GLIS1: variants seen among roughly 807,000 people sequenced by gnomAD.
GLIS1 encodes zinc finger protein GLIS1.
In GLIS1, 24 loss-of-function variants were observed where a neutral mutation model predicts 63.8. The ratio of observed to expected loss-of-function variants is 0.38; its 90% CI spans 0.27 to 0.53. The LOEUF (loss-of-function observed/expected upper bound fraction) is 0.53, where lower values mean the gene tolerates loss of function less well. GLIS1 is among the 20% of genes least tolerant of loss of function. The pLI, the probability that GLIS1 is intolerant of heterozygous loss-of-function variation, is 0.85. For missense variants in GLIS1, 1,036 were observed against 1,074.1 expected, an observed-to-expected ratio of 0.96 and a Z score of 0.50; for synonymous variants, 450 against 482.5, an observed-to-expected ratio of 0.93 and a Z score of 0.88.
intron 6 of GLIS1, among the ~76,000 whole-genome samples, chr1:53,522,316 G>A (rs1034945505): frequency 2.8e-4 from 42 of 152,366 alleles, no homozygotes; most frequent in African/African-American, 9.9e-4. Context: ...TTATTGTTGG[G>A]AAGTTTGCAG....
In GLIS1 at chr1:53,520,623, C is replaced by T. The variant is rs941722062; in HGVS notation, c.1726+11G>A. On this transcript the variant is annotated intron_variant, in intron 7 of 10. Coordinates refer to ENST00000628545, the MANE Select transcript of GLIS1 (RefSeq NM_001367484.1). ...GGCTACGCCCCTGGCCCTGCCTCCC[C>T]GCACACGTACCTGGGAGCAGCTCCT... The T allele has an allele frequency of 3.6e-5, 58 of 1,600,894 alleles. No individual in the cohort carries two copies. The highest frequency in any genetic ancestry group is 4.5e-5 in the Non-Finnish European group (53 of 1,174,260).
chr1:53,558,334 A>G (rs1200372132), intron 4 of GLIS1, among the ~76,000 whole-genome samples: 2 of 152,174 alleles, frequency 1.3e-5, no homozygotes, highest in Non-Finnish European at 2.9e-5. Flanking sequence ...CGATCTTTCG[A>G]TGAGGGCCTA....
At chr1:53,704,142 T>C (rs774736399) in intron 2 of GLIS1, among the ~76,000 whole-genome samples, 2 of 152,240 alleles carry the variant, frequency 1.3e-5, no homozygotes, top group Non-Finnish European at 2.9e-5. Flanking sequence ...TATGTGGCCT[T>C]TGAAAAGTCT....
intron 2 of GLIS1, among the ~76,000 whole-genome samples, chr1:53,617,814 G>C (rs556670086): frequency 3.7e-4 from 57 of 152,348 alleles, no homozygotes; most frequent in African/African-American, 1.3e-3. Context: ...AGAAAAGGAA[G>C]CGCTGCTGAG....
intron 2 of GLIS1, among the ~76,000 whole-genome samples, chr1:53,708,424 CA>C (rs1292213458): frequency 2.0e-5 from 3 of 152,094 alleles, no homozygotes; most frequent in Admixed American, 1.3e-4. Context: ...TTAATATATT[CA>C]AGAATGCCAC....
rs185807306 is a variant in GLIS1, at chr1:53,546,928, C to T, written c.1321-16976G>A. Among the ~76,000 whole-genome samples, 35 of 131,818 alleles carry T rather than the reference C, an allele frequency of 2.7e-4. 1 individual carries two copies. The highest frequency in any genetic ancestry group is 1.2e-3 in the South Asian group (5 of 4,158). 86.5% of individuals were successfully genotyped at this position (131,818 alleles called of 152,430 possible). A position where few individuals can be genotyped will look rare whatever the true frequency, so the allele number is the denominator to read the frequency against. ...CAAGCATTGTAACTGCCGGGCTCTG[C>T]GCCTCTTTCTTCCCCTGACTGGGTA... is the stretch of plus-strand genomic sequence containing the variant. On this transcript the variant is annotated intron_variant, in intron 4 of 10. Transcript: ENST00000628545.
chr1:53,543,545 A>G (rs996395712), intron 4 of GLIS1, among the ~76,000 whole-genome samples: 1 of 152,186 alleles, frequency 6.6e-6, no homozygotes, highest in East Asian at 1.9e-4. Flanking sequence ...TGTTGCATTA[A>G]GTCAAAAGCA....
At chr1:53,616,466 C>A (rs1645483523) in intron 2 of GLIS1, among the ~76,000 whole-genome samples, 1 of 152,208 alleles carries the variant, frequency 6.6e-6, no homozygotes, top group Admixed American at 6.5e-5. Context: ...TTAGGTAACT[C>A]CTGTGCCCAC....
intron 2 of GLIS1, among the ~76,000 whole-genome samples, chr1:53,601,182 T>C (rs1645314124): frequency 6.6e-6 from 1 of 152,084 alleles, no homozygotes; most frequent in African/African-American, 2.4e-5. Flanking sequence ...CCCAAACCAA[T>C]TCCATAACTC....
intron 3 of GLIS1, among the ~76,000 whole-genome samples, chr1:53,597,190 A>C (rs1398452549): frequency 1.4e-5 from 2 of 143,788 alleles, no homozygotes; most frequent in East Asian, 2.0e-4. Flanking sequence ...AAAAAAAAAA[A>C]AAAAAAAAAA....
intron 2 of GLIS1, among the ~76,000 whole-genome samples, chr1:53,719,701 G>GA (rs1260622910): frequency 1.3e-5 from 2 of 151,938 alleles, no homozygotes; most frequent in Non-Finnish European, 2.9e-5. Context: ...AGTGGGAGTT[G>GA]AAAAAAACCA....
intron 2 of GLIS1, among the ~76,000 whole-genome samples, chr1:53,603,213 C>T (rs891855280): frequency 6.6e-6 from 1 of 152,182 alleles, no homozygotes; most frequent in Non-Finnish European, 1.5e-5. Flanking sequence ...TAGTATGGTG[C>T]CACTTAGTGC....
At chr1:53,700,835 A>T (rs577579694) in intron 2 of GLIS1, among the ~76,000 whole-genome samples, 54 of 152,316 alleles carry the variant, frequency 3.5e-4, no homozygotes, top group Admixed American at 1.5e-3. Flanking sequence ...CCATAGATTT[A>T]CCTGTCCAGG....
intron 2 of GLIS1, among the ~76,000 whole-genome samples, chr1:53,717,657 A>G (rs1646714349): frequency 6.6e-6 from 1 of 152,182 alleles, no homozygotes; most frequent in Admixed American, 6.5e-5. Flanking sequence ...ACTGCACTGT[A>G]ACCCAGCAGG....
At chr1:53,529,075 C>A (rs1281018524) in intron 5 of GLIS1, among the ~76,000 whole-genome samples, 1 of 152,214 alleles carries the variant, frequency 6.6e-6, no homozygotes, top group Non-Finnish European at 1.5e-5. Context: ...TGCCCCTGCC[C>A]AGAGCACAGG....
intron 2 of GLIS1, among the ~76,000 whole-genome samples, chr1:53,731,233 C>T (rs927927136): frequency 6.6e-6 from 1 of 152,200 alleles, no homozygotes; most frequent in Non-Finnish European, 1.5e-5. Context: ...AGTCTTTTTC[C>T]AGACCCCAGA....
At chr1:53,551,749 C>T (rs1030286955) in intron 4 of GLIS1, among the ~76,000 whole-genome samples, 1 of 152,060 alleles carries the variant, frequency 6.6e-6, no homozygotes, top group South Asian at 2.1e-4. Flanking sequence ...CCATTCAAGG[C>T]CCCTGTGTCA....
chr1:53,535,309 C>T (rs1644571437), intron 4 of GLIS1, among the ~76,000 whole-genome samples: 2 of 152,192 alleles, frequency 1.3e-5, no homozygotes, highest in Admixed American at 6.5e-5. Flanking sequence ...TGGACCACCC[C>T]AGGTCACGCA....
chr1:53,695,028 A>G (rs901434832), intron 2 of GLIS1, among the ~76,000 whole-genome samples: 1 of 152,080 alleles, frequency 6.6e-6, no homozygotes, highest in African/African-American at 2.4e-5. Context: ...GGTTCCTAAT[A>G]AGTCAGGGAA....
Sources: gnomAD v4.1 joint callset for allele counts (sites outside exome capture counted in the v4.1 genomes callset) on GRCh38, gnomAD v4.1.1 for gene constraint, MANE v1.5 for transcripts, NCBI Gene and HGNC (gene_info 2026-07-23, HGNC 2026-07-21) for gene names.